The following DNAJB6 variants were observed in gnomAD, a reference collection of about 807,000 sequenced individuals.
DNAJB6 encodes dnaJ homolog subfamily B member 6.
Under a neutral mutation model 42.7 loss-of-function variants are expected in DNAJB6, and 16 were observed. That is an observed-to-expected ratio of 0.37 (90% CI 0.25 to 0.57). The LOEUF is 0.57. DNAJB6 is among the 20% of genes least tolerant of loss of function. The probability of loss-of-function intolerance (pLI) is 0.74; values close to 1 mark genes in which losing one functional copy is unlikely to be tolerated. For missense variants in DNAJB6, 347 were observed against 416.8 expected, an observed-to-expected ratio of 0.83 and a Z score of 1.46; for synonymous variants, 170 against 163.5, an observed-to-expected ratio of 1.04 and a Z score of -0.30.
At chr7:157,340,998 G>GTGCGCGCGCGCGCGCC (rs67210462) in intron 1 of DNAJB6, among the ~76,000 whole-genome samples, 1 of 134,960 alleles carries the variant, frequency 7.4e-6, no homozygotes, top group African/African-American at 3.2e-5. Context: ...GTGTGTGTGT[G>GTGCGCGCGCGCGCGCC]CGCGCGCGCA....
chr7:157,339,510 C>T (rs1181863330), intron 1 of DNAJB6, among the ~76,000 whole-genome samples: 4 of 151,454 alleles, frequency 2.6e-5, no homozygotes, highest in Non-Finnish European at 5.9e-5. Context: ...CCGTGTTAGC[C>T]AGGATGGTCT....
At chr7:157,400,376 G>GA (rs1554467488) in intron 8 of DNAJB6, among the ~76,000 whole-genome samples, 1 of 44,630 alleles carries the variant, frequency 2.2e-5, no homozygotes, top group Non-Finnish European at 3.9e-5. Flanking sequence ...GCTCGTGTGT[G>GA]GTGTGCCGTG....
At chr7:157,389,526 C>T (rs538833477) in intron 8 of DNAJB6, among the ~76,000 whole-genome samples, 27 of 152,248 alleles carry the variant, frequency 1.8e-4, no homozygotes, top group South Asian at 1.5e-3. Context: ...TTTTTAAAAA[C>T]GAAGGCATGA....
intron 8 of DNAJB6, among the ~76,000 whole-genome samples, chr7:157,399,034 T>C (rs1251308297): frequency 6.6e-6 from 1 of 152,236 alleles, no homozygotes; most frequent in Non-Finnish European, 1.5e-5. Context: ...GTGTTGGCTC[T>C]CAGAGGGTGA....
At chr7:157,367,627 G>A in intron 5 of DNAJB6, 144 bp downstream of exon 5, 3 of 589,164 alleles carry the variant, frequency 5.1e-6, no homozygotes, top group Non-Finnish European at 6.2e-6. Context: ...TTGGGAGCCT[G>A]AGGCGGGCAG....
intron 8 of DNAJB6, among the ~76,000 whole-genome samples, chr7:157,407,522 C>G (rs1175617130): frequency 6.6e-5 from 10 of 152,156 alleles, no homozygotes; most frequent in Admixed American, 6.5e-4. Flanking sequence ...GGGCTTAGCA[C>G]CGGCAGGTTC....
At chr7:157,338,187 A>C (rs1399737065) in intron 1 of DNAJB6, among the ~76,000 whole-genome samples, 1 of 152,206 alleles carries the variant, frequency 6.6e-6, no homozygotes, top group Non-Finnish European at 1.5e-5. Flanking sequence ...TTAAAGCTTG[A>C]TTGCTGCTGC....
chr7:157,353,908 C>T (rs1799138374), intron 1 of DNAJB6, among the ~76,000 whole-genome samples: 1 of 152,142 alleles, frequency 6.6e-6, no homozygotes, highest in Admixed American at 6.5e-5. Context: ...AAGCAGTCCT[C>T]CTGCCTTGGC....
chr7:157,369,757 CATT>C (rs1365434921), intron 5 of DNAJB6, among the ~76,000 whole-genome samples: 1 of 149,056 alleles, frequency 6.7e-6, no homozygotes, highest in Admixed American at 6.6e-5. Context: ...CCCTTCTTAA[CATT>C]ATTATTAAAC....
At chr7:157,404,896 C>T (rs1188068665) in intron 8 of DNAJB6, among the ~76,000 whole-genome samples, 1 of 152,158 alleles carries the variant, frequency 6.6e-6, no homozygotes, top group Non-Finnish European at 1.5e-5. Context: ...GCCTCAGCCT[C>T]CCAAAGTGCT....
chr7:157,356,421 TC>T (rs1799277805), intron 1 of DNAJB6, among the ~76,000 whole-genome samples: 1 of 152,206 alleles, frequency 6.6e-6, no homozygotes. Flanking sequence ...ATTGCGGTGT[TC>T]CTACTTACGG....
At chr7:157,394,967 T>C (rs950580796) in intron 8 of DNAJB6, among the ~76,000 whole-genome samples, 1 of 152,108 alleles carries the variant, frequency 6.6e-6, no homozygotes, top group Admixed American at 6.6e-5. Flanking sequence ...GGTGCACGCC[T>C]CTAGTCCCAG....
intron 5 of DNAJB6, among the ~76,000 whole-genome samples, chr7:157,376,350 GCA>G (rs1484652118): frequency 2.0e-5 from 3 of 151,750 alleles, no homozygotes; most frequent in African/African-American, 7.3e-5. Flanking sequence ...GCCCCTTAAT[GCA>G]TTGGTCTTAG....
chr7:157,339,099 A>C (rs1350404464), intron 1 of DNAJB6, among the ~76,000 whole-genome samples: 2 of 152,154 alleles, frequency 1.3e-5, no homozygotes, highest in South Asian at 2.1e-4. Context: ...TAAAATATGC[A>C]TATGGTATTA....
intron 1 of DNAJB6, among the ~76,000 whole-genome samples, chr7:157,349,093 G>A (rs4716470): frequency 6.6e-6 from 1 of 150,398 alleles, no homozygotes; most frequent in Non-Finnish European, 1.5e-5. Flanking sequence ...TGTTGCTCAC[G>A]CTTATCTGGA....
At chr7:157,383,768 AGGCCT>A (rs1375452542) in intron 6 of DNAJB6, among the ~76,000 whole-genome samples, 1 of 152,148 alleles carries the variant, frequency 6.6e-6, no homozygotes, top group African/African-American at 2.4e-5. Context: ...TGAGCCCTGG[AGGCCT>A]GGCTACTCCT....
intron 2 of DNAJB6, among the ~76,000 whole-genome samples, chr7:157,361,796 G>A (rs1799614969): frequency 6.6e-6 from 1 of 152,010 alleles, no homozygotes; most frequent in Non-Finnish European, 1.5e-5. Context: ...TGAGCCGGAG[G>A]CTCGCTCTGT....
At chr7:157,347,144 C>T (rs1261016295) in intron 1 of DNAJB6, among the ~76,000 whole-genome samples, 5 of 152,196 alleles carry the variant, frequency 3.3e-5, no homozygotes, top group Admixed American at 6.5e-5. Flanking sequence ...CATGAGCCAC[C>T]GCGCCCGGCC....
intron 8 of DNAJB6, among the ~76,000 whole-genome samples, chr7:157,391,086 T>C (rs967702414): frequency 3.3e-5 from 5 of 152,192 alleles, no homozygotes; most frequent in South Asian, 2.1e-4. Context: ...ATCACTCACT[T>C]TGGCCTCCCA....
Sources: allele counts gnomAD v4.1 joint callset (sites outside exome capture counted in the v4.1 genomes callset), GRCh38; gene constraint gnomAD v4.1.1; transcripts MANE v1.5; gene names NCBI Gene and HGNC (gene_info 2026-07-23, HGNC 2026-07-21).